Variants in DOCK4 observed in about 807,000 individuals in gnomAD.
DOCK4 encodes dedicator of cytokinesis protein 4.
DOCK4 carries 97 observed loss-of-function variants against 268.1 expected under a neutral mutation model. The ratio of observed to expected loss-of-function variants is 0.36; its 90% CI spans 0.31 to 0.43. The LOEUF is 0.43. DOCK4 is among the 20% of genes least tolerant of loss of function. The pLI is 1.00. For missense variants in DOCK4, 2,145 were observed against 2,455.7 expected (o/e 0.87, Z 2.67); for synonymous variants, 954 against 887.2 (o/e 1.08, Z -1.34).
chr7:111,768,894 A>C (rs1424963764), intron 37 of DOCK4, among the ~76,000 whole-genome samples: 1 of 152,144 alleles, frequency 6.6e-6, no homozygotes, highest in Non-Finnish European at 1.5e-5. Context: ...ATATGTTGAA[A>C]TCCTAACCCC....
intron 1 of DOCK4, among the ~76,000 whole-genome samples, chr7:112,129,690 T>C: frequency 6.6e-6 from 1 of 152,134 alleles, no homozygotes; most frequent in East Asian, 1.9e-4. Flanking sequence ...GAGTCTATAA[T>C]TATAATTATT....
rs1800473829 is a variant in DOCK4, at chr7:112,002,114, A to C, written c.122-1580T>G. Among the ~76,000 whole-genome samples, 3 of 152,138 alleles carry C rather than the reference A, an allele frequency of 2.0e-5. No individual in the cohort carries two copies. In the South Asian group the frequency reaches 6.2e-4, roughly 31 times the overall value. On this transcript the variant is annotated intron_variant, in intron 2 of 52. Coordinates refer to ENST00000428084, the MANE Select transcript of DOCK4 (RefSeq NM_001363540.2). ...AAATATTTGAGCTTTGTATTTAAACATTTTTCCTCCTCATAATACATTTTC... is the reference window on the plus strand; with the variant it reads ...AAATATTTGAGCTTTGTATTTAAACCTTTTTCCTCCTCATAATACATTTTC...
chr7:111,944,883 G>C lies in DOCK4; in HGVS notation c.784-12C>G. 6.2e-7 allele frequency: 1 copy of C among 1,613,760 alleles called. No homozygotes were observed. On this transcript the variant is annotated splice_polypyrimidine_tract_variant and intron_variant, in intron 9 of 52. Coordinates refer to ENST00000428084, the MANE Select transcript of DOCK4 (RefSeq NM_001363540.2). ...CTGCTGCCCAAATCCTACAAACAAA[G>C]AAAGTTTGGTTATTTTGGAAGACAT...
chr7:112,031,119 A>G (rs945243968), intron 1 of DOCK4, among the ~76,000 whole-genome samples: 1 of 152,234 alleles, frequency 6.6e-6, no homozygotes, highest in Non-Finnish European at 1.5e-5. Flanking sequence ...ATTAACAACT[A>G]GATCAAAGAA....
At chr7:111,750,922 G>A (rs773681568) in intron 42 of DOCK4, among the ~76,000 whole-genome samples, 2 of 152,130 alleles carry the variant, frequency 1.3e-5, no homozygotes, top group East Asian at 1.9e-4. Flanking sequence ...CCCTCCAGTC[G>A]CTTTTGTAGA....
chr7:111,760,156 G>A lies in DOCK4; in HGVS notation c.4162+25C>T, dbSNP rs777784756. ...CTAAGAGCCAGTGCAATCTCACTGAGTCCAGCCCTTGTAGGTGCGGATACA... is the reference window on the plus strand; with the variant it reads ...CTAAGAGCCAGTGCAATCTCACTGAATCCAGCCCTTGTAGGTGCGGATACA... On this transcript the variant is annotated intron_variant, in intron 40 of 52. Transcript: ENST00000428084. 4 of 1,612,894 alleles carry A rather than the reference G, an allele frequency of 2.5e-6. No homozygotes were observed. In the Admixed American group the frequency reaches 6.7e-5, roughly 27 times the overall value.
intron 30 of DOCK4, among the ~76,000 whole-genome samples, chr7:111,801,359 G>A (rs1190808473): frequency 6.6e-6 from 1 of 152,156 alleles, no homozygotes; most frequent in Non-Finnish European, 1.5e-5. Flanking sequence ...CTCTGTCTCT[G>A]TACAAGGGAG....
intron 5 of DOCK4, among the ~76,000 whole-genome samples, chr7:111,990,569 A>G (rs1053496130): frequency 2.6e-5 from 4 of 152,188 alleles, no homozygotes; most frequent in Non-Finnish European, 5.9e-5. Context: ...AATTTTTCAC[A>G]TGATGTGCAG....
chr7:111,891,198 A>T (rs77691993), intron 16 of DOCK4, among the ~76,000 whole-genome samples: 1 of 151,760 alleles, frequency 6.6e-6, no homozygotes, highest in South Asian at 2.1e-4. Context: ...TGAAAAAAAA[A>T]TTATTAATAT....
Position 111,867,946 on chromosome 7 carries a change from T to C in DOCK4, c.2280+38A>G, listed in dbSNP as rs763858944. 8 of 1,475,530 alleles carry C rather than the reference T, an allele frequency of 5.4e-6. No homozygotes were observed. In the South Asian group the frequency reaches 8.4e-5, roughly 15 times the overall value. The allele number at this position is 1,475,530 out of a possible 1,614,324, so 91.4% of individuals were successfully genotyped here. Reference sequence around the variant, plus strand: ...TGTAAAAATAAATAAACTGCACTTATCGTTTTCTTCTATTCAGCATAGATG... The same window carrying C: ...TGTAAAAATAAATAAACTGCACTTACCGTTTTCTTCTATTCAGCATAGATG... On this transcript the variant is annotated intron_variant, in intron 22 of 52. Transcript: ENST00000428084.
intron 1 of DOCK4, among the ~76,000 whole-genome samples, chr7:112,181,405 G>A (rs1301093894): frequency 6.6e-6 from 1 of 152,116 alleles, no homozygotes; most frequent in Non-Finnish European, 1.5e-5. Flanking sequence ...TATAATCCCA[G>A]CACTTTGGGA....
chr7:112,131,069 C>T (rs1054875103), intron 1 of DOCK4, among the ~76,000 whole-genome samples: 4 of 152,074 alleles, frequency 2.6e-5, no homozygotes, highest in South Asian at 2.1e-4. Context: ...AGGAAATGGC[C>T]GGCCGTATGC....
intron 25 of DOCK4, among the ~76,000 whole-genome samples, chr7:111,841,175 T>G (rs1803662652): frequency 1.3e-5 from 2 of 151,994 alleles, no homozygotes; most frequent in Admixed American, 6.6e-5. Context: ...ATTTATTTAT[T>G]TATTTATGAG....
At chr7:112,036,771 C>G (rs1044462593) in intron 1 of DOCK4, among the ~76,000 whole-genome samples, 1 of 151,476 alleles carries the variant, frequency 6.6e-6, no homozygotes, top group Non-Finnish European at 1.5e-5. Flanking sequence ...AACGATTCTC[C>G]TGCCTCAGCC....
chr7:111,845,841 T>TA (rs1479153384), intron 24 of DOCK4, among the ~76,000 whole-genome samples: 1 of 152,200 alleles, frequency 6.6e-6, no homozygotes, highest in East Asian at 1.9e-4. Flanking sequence ...ACTTACATTT[T>TA]ACTCTCAGCA....
At chr7:111,821,593 C>T (rs1398435459) in intron 27 of DOCK4, 1 of 152,278 alleles carries the variant, frequency 6.6e-6, no homozygotes, top group Non-Finnish European at 1.5e-5. Context: ...GTATTGCTCT[C>T]AGATCATGCT....
intron 1 of DOCK4, among the ~76,000 whole-genome samples, chr7:112,056,027 T>C (rs190057814): frequency 6.6e-6 from 1 of 152,230 alleles, no homozygotes; most frequent in Admixed American, 6.5e-5. Context: ...TACCTAATAC[T>C]ATGATCAGAG....
At chr7:112,039,012 G>GT (rs561791138) in intron 1 of DOCK4, among the ~76,000 whole-genome samples, 11 of 152,298 alleles carry the variant, frequency 7.2e-5, no homozygotes, top group African/African-American at 2.6e-4. Flanking sequence ...AGGTAGTCTA[G>GT]TTTTTTCACA....
chr7:111,810,039 T>C (rs1385480334), intron 28 of DOCK4, among the ~76,000 whole-genome samples: 1 of 148,322 alleles, frequency 6.7e-6, no homozygotes, highest in Non-Finnish European at 1.5e-5. Flanking sequence ...ACTGACACCA[T>C]GTAAAATTAA....
Sources: allele counts gnomAD v4.1 joint callset (sites outside exome capture counted in the v4.1 genomes callset), GRCh38; gene constraint gnomAD v4.1.1; transcripts MANE v1.5; gene names NCBI Gene and HGNC (gene_info 2026-07-23, HGNC 2026-07-21).